Variants in CELSR1 observed in about 807,000 individuals in gnomAD.
The protein encoded by CELSR1 is cadherin EGF LAG seven-pass G-type receptor 1, also known as adhesion G protein-coupled receptor C1.
A neutral mutation model predicts 249.1 loss-of-function variants in CELSR1; 110 were observed. The ratio of observed to expected loss-of-function variants is 0.44; its 90% CI spans 0.38 to 0.52. The LOEUF is 0.52. Among genes scored for constraint, CELSR1 ranks in the 20% least tolerant of loss-of-function variants. CELSR1 has a pLI of 0.00. For synonymous variants in CELSR1, 2,113 were observed against 1,900.0 expected, an observed-to-expected ratio of 1.11 and a Z score of -2.92; for missense variants, 4,109 against 4,296.4, an observed-to-expected ratio of 0.96 and a Z score of 1.22.
In CELSR1 at chr22:46,409,771, C is replaced by T. The variant is rs375250326; in HGVS notation, c.5043G>A (p.Gly1681=). ...YLCECPLRFG[G]KNCEQAMPHP... is the part of the protein sequence containing the mutation. ...GCCACTCACCTTGCTCACAGTTCTT[C>T]CCGCCGAATCGGAGTGGACACTCAC... The change falls in exon 8 of 35, where the codon GGG becomes GGA. Residue 1681 remains glycine (G), a synonymous_variant. Transcript: ENST00000674500. This position sits in a 1 kb window ranked among gnomAD's most constrained non-coding sequence, Gnocchi z 9.8. The T allele has an allele frequency of 2.4e-5, 39 of 1,613,542 alleles. No homozygotes were observed. The highest frequency in any genetic ancestry group is 3.2e-5 in the Non-Finnish European group (38 of 1,180,014).
chr22:46,416,173 T>C (rs2079399369), intron 5 of CELSR1, among the ~76,000 whole-genome samples: 2 of 151,660 alleles, frequency 1.3e-5, no homozygotes, highest in South Asian at 2.1e-4. Context: ...TTTTAAAGTT[T>C]GCCACATATT....
intron 5 of CELSR1, among the ~76,000 whole-genome samples, chr22:46,419,843 G>C (rs542286198): frequency 4.2e-4 from 63 of 150,798 alleles, no homozygotes; most frequent in African/African-American, 1.4e-3. Context: ...CCACGCTCAC[G>C]TGCATACCCG....
In CELSR1 at chr22:46,364,257, AGG is replaced by A. The variant is rs747225961; in HGVS notation, c.8780-8_8780-7del. The A allele has an allele frequency of 4.2e-5, 68 of 1,606,334 alleles. No homozygotes were observed. The highest frequency in any genetic ancestry group is 5.3e-5 in the Non-Finnish European group (62 of 1,179,368). On this transcript the variant is annotated splice_polypyrimidine_tract_variant and splice_region_variant and intron_variant, in intron 33 of 34. Transcript: ENST00000674500. ...GACTTTATTTTTCAAGATGCCTGGG[AGG>A]AGGAGACACGGCAAGGTCAAGTCCG... is the stretch of plus-strand genomic sequence containing the variant.
At chr22:46,394,611 G>A (rs1225209119) in intron 13 of CELSR1, among the ~76,000 whole-genome samples, 3 of 152,216 alleles carry the variant, frequency 2.0e-5, no homozygotes, top group Non-Finnish European at 4.4e-5. Context: ...TCAGCTGCCT[G>A]GCACAACTTC....
At chr22:46,397,560 A>G (rs1012550464) in intron 12 of CELSR1, 114 bp downstream of exon 12, 2 of 990,896 alleles carry the variant, frequency 2.0e-6, no homozygotes, top group Non-Finnish European at 2.8e-6. Context: ...TCAGGGCTCC[A>G]CGGAACCACA....
chr22:46,525,445 G>A (rs1345239385), intron 1 of CELSR1, among the ~76,000 whole-genome samples: 2 of 50,054 alleles, frequency 4.0e-5, no homozygotes, highest in Non-Finnish European at 3.7e-5. Flanking sequence ...GCAAAACTCT[G>A]TCTCAAAAAA....
At chr22:46,367,357 C>A (rs2078797346) in intron 28 of CELSR1, among the ~76,000 whole-genome samples, 1 of 152,246 alleles carries the variant, frequency 6.6e-6, no homozygotes, top group African/African-American at 2.4e-5. Flanking sequence ...AGTGAGGGCC[C>A]CGGCTCAGGC....
At position 46,399,943 on chromosome 22, in the gene CELSR1, C is replaced by T; in HGVS notation, c.5227-41G>A. ...CCACACCGACTGATTGGTACAATGA[C>T]AATGAAAGAGAAAACATTTTGCAGT... On this transcript the variant is annotated intron_variant, in intron 9 of 34. Coordinates refer to ENST00000674500, the MANE Select transcript of CELSR1 (RefSeq NM_001378328.1). The surrounding 1 kb of genome is among the most constrained non-coding windows in gnomAD (Gnocchi z 5.0). 1 of 1,588,460 alleles carries T rather than the reference C, an allele frequency of 6.3e-7. No individual in the cohort carries two copies. The highest frequency in any genetic ancestry group is 8.6e-7 in the Non-Finnish European group (1 of 1,161,610).
At position 46,391,038 on chromosome 22, in the gene CELSR1, T is replaced by C; in HGVS notation, c.6250+148A>G. 1.5e-6 allele frequency: 1 copy of C among 659,740 alleles called. No individual in the cohort carries two copies. The highest frequency in any genetic ancestry group is 2.6e-6 in the Non-Finnish European group (1 of 386,456). The allele number at this position is 659,740 out of a possible 1,614,324, so 40.9% of individuals were successfully genotyped here. On this transcript the variant is annotated intron_variant, in intron 16 of 34. Coordinates refer to ENST00000674500, the MANE Select transcript of CELSR1 (RefSeq NM_001378328.1). This position sits in a 1 kb window ranked among gnomAD's most constrained non-coding sequence, Gnocchi z 4.3. ...TCTGCCTGCTTTGTGTATTTCCTGG[T>C]AGGGAAAAGGCGATCGGATTTCTCC...
At chr22:46,420,205 C>T (rs1286566091) in intron 5 of CELSR1, among the ~76,000 whole-genome samples, 1 of 152,092 alleles carries the variant, frequency 6.6e-6, no homozygotes, top group Admixed American at 6.5e-5. Flanking sequence ...CACCTACCCA[C>T]ACTCGTACAT....
intron 5 of CELSR1, among the ~76,000 whole-genome samples, chr22:46,424,234 ATT>A (rs3056341): frequency 0.65 from 96,238 of 148,066 alleles, 32,232 homozygotes; most frequent in South Asian, 0.74. Flanking sequence ...CACCCGGCTA[ATT>A]TTTTTTTTTT....
chr22:46,441,081 A>G lies in CELSR1; in HGVS notation c.4184-1670T>C, dbSNP rs1377683067. On this transcript the variant is annotated intron_variant, in intron 2 of 34. Transcript: ENST00000674500. The surrounding 1 kb of genome is among the most constrained non-coding windows in gnomAD (Gnocchi z 6.1). Reference sequence around the variant, plus strand: ...GGCAGGAGAACTGCTTCAACCCGGGAGGCGGAGGTTGTAGCGAGCCGAGGT... The same window carrying G: ...GGCAGGAGAACTGCTTCAACCCGGGGGGCGGAGGTTGTAGCGAGCCGAGGT... Among the ~76,000 whole-genome samples the G allele has an allele frequency of 6.7e-6, 1 of 150,192 alleles. No individual in the cohort carries two copies. The highest frequency in any genetic ancestry group is 2.0e-4 in the East Asian group (1 of 5,052).
rs1231614786 is a variant in CELSR1, at chr22:46,437,990, G to C, written c.4406+1199C>G. The stretch of plus-strand genomic sequence containing the variant: ...ATTGCCTTTGGTGGGTTTCACTTCT[G>C]TGCGGTTCCCTTTGGACCCAGGTGG... On this transcript the variant is annotated intron_variant, in intron 3 of 34. Coordinates refer to ENST00000674500, the MANE Select transcript of CELSR1 (RefSeq NM_001378328.1). The surrounding 1 kb of genome is among the most constrained non-coding windows in gnomAD (Gnocchi z 4.9). Among the ~76,000 whole-genome samples the C allele has an allele frequency of 6.6e-6, 1 of 152,194 alleles. No homozygotes were observed. Among genetic ancestry groups the C allele is most frequent in the East Asian group, 1.9e-4 (1 of 5,192 alleles).
chr22:46,462,241 G>A (rs1415559474), intron 2 of CELSR1, among the ~76,000 whole-genome samples: 2 of 152,244 alleles, frequency 1.3e-5, no homozygotes, highest in Non-Finnish European at 2.9e-5. Flanking sequence ...ACTAGCAGGC[G>A]TGGGAACACC....
intron 1 of CELSR1, among the ~76,000 whole-genome samples, chr22:46,507,482 C>A (rs755300053): frequency 6.6e-6 from 1 of 152,132 alleles, no homozygotes; most frequent in Non-Finnish European, 1.5e-5. Flanking sequence ...CCTCCCTCCC[C>A]GGCCTCTGTG....
chr22:46,426,202 G>A (rs930404793), intron 5 of CELSR1, among the ~76,000 whole-genome samples: 1 of 151,360 alleles, frequency 6.6e-6, no homozygotes, highest in African/African-American at 2.4e-5. Flanking sequence ...TTTAGATAAT[G>A]GAAGGTTGAG....
At chr22:46,507,131 A>G (rs970245986) in intron 1 of CELSR1, among the ~76,000 whole-genome samples, 9 of 152,176 alleles carry the variant, frequency 5.9e-5, no homozygotes, top group Non-Finnish European at 1.0e-4. Flanking sequence ...GGTTGCAGTG[A>G]GCTGAGACCG....
In CELSR1 at chr22:46,399,693, G is replaced by T; in HGVS notation, c.5412+24C>A. Reference sequence around the variant, plus strand: ...GGGCCGGAGGAAGGGTCTATCCCCAGAGGAGGTGCAGGTGCCAGCTCACCT... The same window carrying T: ...GGGCCGGAGGAAGGGTCTATCCCCATAGGAGGTGCAGGTGCCAGCTCACCT... On this transcript the variant is annotated intron_variant, in intron 10 of 34. Coordinates refer to ENST00000674500, the MANE Select transcript of CELSR1 (RefSeq NM_001378328.1). This position sits in a 1 kb window ranked among gnomAD's most constrained non-coding sequence, Gnocchi z 5.0. 2 of 1,611,816 alleles carry T rather than the reference G, an allele frequency of 1.2e-6. No homozygotes were observed. The highest frequency in any genetic ancestry group is 2.2e-5 in the East Asian group (1 of 44,866).
At chr22:46,459,062 G>C (rs1432365369) in intron 2 of CELSR1, among the ~76,000 whole-genome samples, 1 of 149,400 alleles carries the variant, frequency 6.7e-6, no homozygotes, top group African/African-American at 2.5e-5. Context: ...CTGGTTTTTT[G>C]TATTTTTAGT....
Sources: allele counts gnomAD v4.1 joint callset (sites outside exome capture counted in the v4.1 genomes callset), GRCh38; gene constraint gnomAD v4.1.1; non-coding constraint Gnocchi (gnomAD v3.1); transcripts MANE v1.5; gene names NCBI Gene and HGNC (gene_info 2026-07-23, HGNC 2026-07-21).